Variants in ADGRA3 observed in about 807,000 individuals in gnomAD.
ADGRA3 encodes the protein G-protein coupled receptor 125.
Under a neutral mutation model 119.8 loss-of-function variants are expected in ADGRA3, and 56 were observed. The ratio of observed to expected loss-of-function variants is 0.47; its 90% confidence interval spans 0.38 to 0.58. The LOEUF (loss-of-function observed/expected upper bound fraction) is 0.58, where lower values mean the gene tolerates loss of function less well. ADGRA3 is among the 20% of genes least tolerant of loss of function. ADGRA3 has a pLI of 0.00. For missense variants in ADGRA3, 1,516 were observed against 1,649.0 expected (o/e 0.92, Z 1.40); for synonymous variants, 607 against 623.8 (o/e 0.97, Z 0.40).
chr4:22,504,001 G>A (rs1342211042), intron 1 of ADGRA3, among the ~76,000 whole-genome samples: 1 of 152,088 alleles, frequency 6.6e-6, no homozygotes. Flanking sequence ...ATTTTCTCAT[G>A]CTTATCACAG....
intron 1 of ADGRA3, among the ~76,000 whole-genome samples, chr4:22,495,630 C>T (rs112775331): frequency 0.017 from 2,517 of 152,002 alleles, 95 homozygotes; most frequent in African/African-American, 0.056. Flanking sequence ...AGTTATAGGC[C>T]GGGCGTGGTG....
chr4:22,392,789 G>T, intron 16 of ADGRA3, 99 bp from the exon 17 acceptor site: 2 of 1,056,254 alleles, frequency 1.9e-6, no homozygotes, highest in Non-Finnish European at 2.7e-6. Flanking sequence ...TTTGAAAGCA[G>T]CAGGAAGGCC....
chr4:22,476,473 C>A (rs1168119252), intron 1 of ADGRA3, among the ~76,000 whole-genome samples: 2 of 152,034 alleles, frequency 1.3e-5, no homozygotes, highest in African/African-American at 4.8e-5. Flanking sequence ...ATGATTCTTT[C>A]AAAGGAAACC....
rs376329914 is a variant in ADGRA3, at chr4:22,420,901, C to G, written c.1794G>C (p.Ser598=). The G allele has an allele frequency of 1.2e-5, 20 of 1,613,768 alleles. No individual in the cohort carries two copies. Among genetic ancestry groups the G allele is most frequent in the Non-Finnish European group, 1.7e-5 (20 of 1,179,836 alleles). Residue 598 remains serine, a synonymous_variant, in exon 12 of 19, where the codon TCG becomes TCC. Transcript: ENST00000334304. ...TGTAACATACCTTTAGTGCCAGACT[C>G]GAAAATGTATTTGAAACATTGCACT... The part of the protein sequence containing the change: ...SFKCNVSNTF[S]SLALKNTIVE...
At chr4:22,405,546 TAA>T (rs371969552) in intron 14 of ADGRA3, among the ~76,000 whole-genome samples, 10 of 125,418 alleles carry the variant, frequency 8.0e-5, no homozygotes, top group Admixed American at 1.6e-4. Flanking sequence ...CCCCTATTTC[TAA>T]AAAAAAAAAA....
Position 22,402,660 on chromosome 4 carries a change from A to T in ADGRA3, c.2357+15T>A. 1 of 1,606,194 alleles carries T rather than the reference A, an allele frequency of 6.2e-7. No individual in the cohort carries two copies. The highest frequency in any genetic ancestry group is 8.5e-7 in the Non-Finnish European group (1 of 1,177,742). ...CAAAGTCCGCAGATCTATTTTGTCG[A>T]GATGTATTTCTTACCTGTGATGGTA... is the stretch of plus-strand genomic sequence containing the variant. On this transcript the variant is annotated intron_variant, in intron 15 of 18. Coordinates refer to ENST00000334304, the MANE Select transcript of ADGRA3 (RefSeq NM_145290.4).
rs555325094 is a variant in ADGRA3 at position 22,469,068 on chromosome 4, C to G, written c.329+4704G>C. 1.1e-4 allele frequency among the ~76,000 whole-genome samples: 16 copies of G among 152,028 alleles called. No homozygotes were observed. The East Asian group carries it at 3.1e-3, about 30-fold the overall frequency. On this transcript the variant is annotated intron_variant, in intron 2 of 18. Transcript: ENST00000334304. The stretch of plus-strand genomic sequence containing the variant: ...TCAATTACCTGGGGAAAAAAAAAGA[C>G]CCCTTGGTTGATGTGACAGAAGGGC...
At chr4:22,405,488 G>T (rs535677945) in intron 14 of ADGRA3, among the ~76,000 whole-genome samples, 42 of 151,604 alleles carry the variant, frequency 2.8e-4, no homozygotes, top group African/African-American at 1.0e-3. Context: ...TGAGGCTGCA[G>T]TGAGCTGAGA....
Position 22,458,816 on chromosome 4 carries a change from T to C in ADGRA3, c.401+2921A>G, listed in dbSNP as rs1471672293. On this transcript the variant is annotated intron_variant, in intron 3 of 18. Coordinates refer to ENST00000334304, the MANE Select transcript of ADGRA3 (RefSeq NM_145290.4). ...CTTTTCTAACTTGTTCCATTAAAAG[T>C]CTTCACTAGAAAATAATAAAGTGCA... Among the ~76,000 whole-genome samples, 3 of 152,088 alleles carry C rather than the reference T, an allele frequency of 2.0e-5. No homozygotes were observed. The East Asian group carries it at 5.8e-4, about 29-fold the overall frequency.
At chr4:22,396,306 A>G (rs1256330727) in intron 16 of ADGRA3, among the ~76,000 whole-genome samples, 4 of 152,178 alleles carry the variant, frequency 2.6e-5, no homozygotes, top group African/African-American at 9.7e-5. Context: ...ACTTCAAGCA[A>G]TCACTGTGAG....
chr4:22,438,491 A>G, intron 7 of ADGRA3, 71 bp from the exon 8 acceptor site: 2 of 1,198,436 alleles, frequency 1.7e-6, no homozygotes, highest in Non-Finnish European at 2.3e-6. Context: ...ATGGGTCTCA[A>G]TCATTAATTT....
At chr4:22,482,867 C>CAGGAGAGCAGTTAGCT (rs1464069380) in intron 1 of ADGRA3, among the ~76,000 whole-genome samples, 1 of 152,150 alleles carries the variant, frequency 6.6e-6, no homozygotes, top group African/African-American at 2.4e-5. Context: ...TAAAAGAGGG[C>CAGGAGAGCAGTTAGCT]CTTGGGGCAG....
intron 1 of ADGRA3, among the ~76,000 whole-genome samples, chr4:22,496,834 G>A (rs1000877519): frequency 1.1e-4 from 16 of 152,254 alleles, no homozygotes; most frequent in African/African-American, 3.6e-4. Flanking sequence ...TTGGGCTTCC[G>A]GGGCCACTGG....
chr4:22,511,925 C>T (rs1719463212), intron 1 of ADGRA3, among the ~76,000 whole-genome samples: 1 of 107,386 alleles, frequency 9.3e-6, no homozygotes, highest in Non-Finnish European at 1.7e-5. Flanking sequence ...GAGACAGAGT[C>T]TCACTCTGTC....
At chr4:22,501,379 T>A (rs1288624812) in intron 1 of ADGRA3, among the ~76,000 whole-genome samples, 1 of 152,118 alleles carries the variant, frequency 6.6e-6, no homozygotes, top group African/African-American at 2.4e-5. Flanking sequence ...TACTTTACTA[T>A]CCAGCAACAT....
At chr4:22,397,988 G>T in intron 16 of ADGRA3, 1 of 687,194 alleles carries the variant, frequency 1.5e-6, no homozygotes, top group Non-Finnish European at 1.8e-6. Context: ...AATAAAGTGA[G>T]ACCTGCAAGG....
chr4:22,396,536 C>T, intron 16 of ADGRA3, among the ~76,000 whole-genome samples: 1 of 152,148 alleles, frequency 6.6e-6, no homozygotes, highest in East Asian at 1.9e-4. Context: ...ATAAGCTGTT[C>T]TGGCAGGACA....
Position 22,482,911 on chromosome 4 carries a change from C to G in ADGRA3, c.258-9068G>C, listed in dbSNP as rs553608119. Among the ~76,000 whole-genome samples, 19 of 152,270 alleles carry G rather than the reference C, an allele frequency of 1.2e-4. No homozygotes were observed. The South Asian group carries it at 3.9e-3, about 32-fold the overall frequency. ...TTAGCTGAGGGCCCCCAGCCACAGA[C>G]GTCTAGAGGATCTGCCTCCGTCAAT... On this transcript the variant is annotated intron_variant, in intron 1 of 18. Coordinates refer to ENST00000334304, the MANE Select transcript of ADGRA3 (RefSeq NM_145290.4).
chr4:22,445,363 G>A (rs1482374752), intron 5 of ADGRA3, among the ~76,000 whole-genome samples: 1 of 152,126 alleles, frequency 6.6e-6, no homozygotes, highest in Non-Finnish European at 1.5e-5. Context: ...ATGAAATTTT[G>A]TAGGCAAACA....
Sources: allele counts gnomAD v4.1 joint callset (sites outside exome capture counted in the v4.1 genomes callset), GRCh38; gene constraint gnomAD v4.1.1; transcripts MANE v1.5; gene names NCBI Gene and HGNC (gene_info 2026-07-23, HGNC 2026-07-21).